Variants in ARHGAP28 observed in about 807,000 individuals in gnomAD.
ARHGAP28 encodes the protein Rho GTPase activating protein 28, also known as rho GTPase-activating protein 28.
A neutral mutation model predicts 90.7 loss-of-function variants in ARHGAP28; 56 were observed. That is an observed-to-expected ratio of 0.62 (90% CI 0.50 to 0.77). The LOEUF (loss-of-function observed/expected upper bound fraction) is 0.77. Ranked by LOEUF, ARHGAP28 falls within the 30% of genes least tolerant of loss-of-function variation. The probability of loss-of-function intolerance (pLI) is 0.00; values close to 1 mark genes in which losing one functional copy is unlikely to be tolerated. For missense variants in ARHGAP28, 869 were observed against 900.9 expected (o/e 0.96, Z 0.45); for synonymous variants, 308 against 323.3 (o/e 0.95, Z 0.51).
intron 1 of ARHGAP28, among the ~76,000 whole-genome samples, chr18:6,798,441 G>A (rs9965500): frequency 0.021 from 3,161 of 152,220 alleles, 114 homozygotes; most frequent in African/African-American, 0.072. Flanking sequence ...TGATCTGCCC[G>A]CCTCGGCCTC....
At chr18:6,845,264 A>G (rs2143170125) in intron 3 of ARHGAP28, among the ~76,000 whole-genome samples, 1 of 152,148 alleles carries the variant, frequency 6.6e-6, no homozygotes, top group South Asian at 2.1e-4. Context: ...TTTTTTATAG[A>G]GATGAGGTCT....
intron 12 of ARHGAP28, among the ~76,000 whole-genome samples, chr18:6,888,427 T>C (rs921771898): frequency 2.0e-5 from 3 of 152,212 alleles, no homozygotes; most frequent in Non-Finnish European, 4.4e-5. Context: ...CTGCCTCTTA[T>C]CAGACATTTC....
chr18:6,806,207 T>TC (rs781158529), intron 1 of ARHGAP28, among the ~76,000 whole-genome samples: 36 of 152,226 alleles, frequency 2.4e-4, no homozygotes, highest in Non-Finnish European at 3.4e-4. Context: ...TTTCCTTTTT[T>TC]CATTCTTCTT....
At chr18:6,855,724 G>A (rs1311820089) in intron 4 of ARHGAP28, among the ~76,000 whole-genome samples, 7 of 152,234 alleles carry the variant, frequency 4.6e-5, no homozygotes, top group Admixed American at 4.6e-4. Flanking sequence ...CTGAGCCAGG[G>A]CTGTGACACC....
intron 1 of ARHGAP28, among the ~76,000 whole-genome samples, chr18:6,739,449 C>G (rs1327100661): frequency 6.6e-6 from 1 of 151,076 alleles, no homozygotes; most frequent in Admixed American, 6.6e-5. Flanking sequence ...GAAGGAAGTT[C>G]AATAATAGGA....
intron 17 of ARHGAP28, among the ~76,000 whole-genome samples, chr18:6,909,619 A>G (rs2057385451): frequency 6.6e-6 from 1 of 152,048 alleles, no homozygotes; most frequent in African/African-American, 2.4e-5. Context: ...GTGTGATTTG[A>G]AGTTGGAAAG....
chr18:6,777,710 G>A (rs1455817290), intron 1 of ARHGAP28, among the ~76,000 whole-genome samples: 1 of 152,096 alleles, frequency 6.6e-6, no homozygotes, highest in African/African-American at 2.4e-5. Flanking sequence ...GGGCAACAGA[G>A]CAAGACCCTG....
chr18:6,762,993 T>A (rs1278764018), intron 1 of ARHGAP28, among the ~76,000 whole-genome samples: 1 of 152,192 alleles, frequency 6.6e-6, no homozygotes, highest in African/African-American at 2.4e-5. Context: ...GCCCTCTGAT[T>A]GGCATAACAA....
chr18:6,743,591 C>T (rs768550905), intron 1 of ARHGAP28, among the ~76,000 whole-genome samples: 5 of 152,134 alleles, frequency 3.3e-5, no homozygotes, highest in Non-Finnish European at 5.9e-5. Context: ...CTATTGATAA[C>T]ATGCATAGAA....
intron 2 of ARHGAP28, among the ~76,000 whole-genome samples, chr18:6,832,318 T>C (rs943077796): frequency 2.0e-5 from 3 of 151,538 alleles, no homozygotes; most frequent in Non-Finnish European, 4.4e-5. Context: ...ATTTTATGGC[T>C]CAGAATATTG....
intron 1 of ARHGAP28, among the ~76,000 whole-genome samples, chr18:6,743,743 C>A (rs2055999024): frequency 1.3e-5 from 2 of 151,444 alleles, no homozygotes; most frequent in African/African-American, 2.5e-5. Context: ...TTACTTGAGT[C>A]ATTTCACTCA....
intron 1 of ARHGAP28, among the ~76,000 whole-genome samples, chr18:6,765,180 A>C (rs536936700): frequency 6.6e-6 from 1 of 152,318 alleles, no homozygotes; most frequent in South Asian, 2.1e-4. Flanking sequence ...TCTTACAATG[A>C]ATTGAGAAGA....
chr18:6,729,829 T>C lies in ARHGAP28; in HGVS notation c.8T>C (p.Val3Ala). ...AGACATGCGCGGCTGACGATGGAGG[T>C]GGAGGACTCGGGCGGCGTGGTGCTG... ME[V>A]EDSGGVVLTA... Residue 3 changes from valine to alanine, a missense_variant, in exon 1 of 18, where the codon GTG (valine) becomes GCG (alanine). Physicochemically the swap from Val to Ala is moderately conservative, Grantham distance 64 (BLOSUM62 0). Coordinates refer to ENST00000383472, the MANE Select transcript of ARHGAP28 (RefSeq NM_001366230.1). 7.0e-7 allele frequency: 1 copy of C among 1,419,750 alleles called. No homozygotes were observed. The highest frequency in any genetic ancestry group is 1.5e-5 in the South Asian group (1 of 68,162). The allele number at this position is 1,419,750 out of a possible 1,614,324, so 87.9% of individuals were successfully genotyped here.
At chr18:6,755,427 G>T (rs922840131) in intron 1 of ARHGAP28, among the ~76,000 whole-genome samples, 6 of 152,158 alleles carry the variant, frequency 3.9e-5, no homozygotes, top group African/African-American at 1.4e-4. Flanking sequence ...AGAGGGAAAT[G>T]AAGTGTTTAA....
intron 1 of ARHGAP28, among the ~76,000 whole-genome samples, chr18:6,760,877 G>T (rs1408677696): frequency 1.3e-5 from 2 of 152,128 alleles, no homozygotes; most frequent in Non-Finnish European, 2.9e-5. Context: ...TTCATTTCAT[G>T]TTACTGATTT....
At position 6,837,287 on chromosome 18, in the gene ARHGAP28, C is replaced by T. The variant is rs779705868; in HGVS notation, c.416C>T (p.Ser139Phe). ...GAGGAAGATGGCAAAGCCTTGCTCT[C>T]CACATTGACTCGAACCCAAGCAGCT... ...DEEEDGKALLSTLTRTQAAAV... is the reference protein window; with the variant it reads ...DEEEDGKALLFTLTRTQAAAV... Residue 139 changes from serine to phenylalanine, a missense_variant, in exon 3 of 18, where the codon TCC becomes TTC. Coordinates refer to ENST00000383472, the MANE Select transcript of ARHGAP28 (RefSeq NM_001366230.1). 2 of 1,611,310 alleles carry T rather than the reference C, an allele frequency of 1.2e-6. No homozygotes were observed. Among genetic ancestry groups the T allele is most frequent in the African/African-American group, 2.7e-5 (2 of 74,740 alleles).
Position 6,775,229 on chromosome 18 carries a change from C to G in ARHGAP28, c.122+45286C>G, listed in dbSNP as rs182720410. On this transcript the variant is annotated intron_variant, in intron 1 of 17. Transcript: ENST00000383472. ...GAGGAGGAGCGTTAAGAGAGGTGGT[C>G]TTGCTGTTTATTTGAATTTCCTTTT... Among the ~76,000 whole-genome samples, 331 of 152,212 alleles carry G rather than the reference C, an allele frequency of 2.2e-3. 2 individuals carry two copies. Among genetic ancestry groups the G allele is most frequent in the African/African-American group, 7.4e-3 (307 of 41,518 alleles).
chr18:6,887,560 A>C, intron 12 of ARHGAP28, among the ~76,000 whole-genome samples: 1 of 151,712 alleles, frequency 6.6e-6, no homozygotes, highest in Admixed American at 6.6e-5. Context: ...CCTTCCAAGT[A>C]GCTGGGACTA....
chr18:6,888,056 C>A (rs2057235989), intron 12 of ARHGAP28, among the ~76,000 whole-genome samples: 1 of 152,116 alleles, frequency 6.6e-6, no homozygotes, highest in South Asian at 2.1e-4. Flanking sequence ...TTAAATAGTT[C>A]TAGAATTTCA....
Sources: allele counts gnomAD v4.1 joint callset (sites outside exome capture counted in the v4.1 genomes callset), GRCh38; gene constraint gnomAD v4.1.1; transcripts MANE v1.5; gene names NCBI Gene and HGNC (gene_info 2026-07-23, HGNC 2026-07-21).